NR6A1: variants seen among roughly 807,000 people sequenced by gnomAD.
NR6A1 encodes the protein nuclear receptor subfamily 6 group A member 1, also known as retinoic acid receptor-related testis-associated receptor.
A neutral mutation model predicts 59.1 loss-of-function variants in NR6A1; 7 were observed. The ratio of observed to expected loss-of-function variants is 0.12; its 90% CI spans 0.07 to 0.22. The LOEUF (loss-of-function observed/expected upper bound fraction) is 0.22, where lower values mean the gene tolerates loss of function less well. Ranked by LOEUF, NR6A1 falls within the 10% of genes least tolerant of loss-of-function variation. NR6A1 has a pLI of 1.00. For missense variants in NR6A1, 468 were observed against 611.6 expected (o/e 0.77, Z 2.48); for synonymous variants, 243 against 236.1 (o/e 1.03, Z -0.27).
intron 2 of NR6A1, chr9:124,598,683 G>T: frequency 8.6e-5 from 28 of 326,512 alleles, no homozygotes; most frequent in Non-Finnish European, 1.2e-4. Flanking sequence ...GGAAGGGAAA[G>T]AGAGGAAAAA....
intron 3 of NR6A1, among the ~76,000 whole-genome samples, chr9:124,547,124 T>C (rs913290400): frequency 2.6e-5 from 4 of 152,264 alleles, no homozygotes; most frequent in East Asian, 1.9e-4. Flanking sequence ...GTAACTCTTA[T>C]CTAAGTCTAA....
At chr9:124,613,566 T>C (rs2130847136) in intron 2 of NR6A1, among the ~76,000 whole-genome samples, 1 of 151,636 alleles carries the variant, frequency 6.6e-6, no homozygotes, top group South Asian at 2.1e-4. Context: ...GAGGCTGAGG[T>C]GGGAGGATCG....
At chr9:124,529,091 T>C (rs1404276837) in intron 7 of NR6A1, among the ~76,000 whole-genome samples, 8 of 152,202 alleles carry the variant, frequency 5.3e-5, no homozygotes, top group Admixed American at 2.6e-4. Context: ...TTTGAGCTAC[T>C]ATGGCTGACT....
At chr9:124,704,948 C>A (rs1287912369) in intron 2 of NR6A1, among the ~76,000 whole-genome samples, 1 of 152,192 alleles carries the variant, frequency 6.6e-6, no homozygotes, top group Admixed American at 6.5e-5. Context: ...GTTGCCCAGG[C>A]TGGTCTAGAA....
rs189540303 is a variant in NR6A1 at position 124,644,412 on chromosome 9, G to A, written c.142+88896C>T. 1.7e-4 allele frequency among the ~76,000 whole-genome samples: 25 copies of A among 150,780 alleles called. No individual in the cohort carries two copies. In the East Asian group the frequency reaches 3.7e-3, roughly 23 times the overall value. ...GATTACAGGCATGCGCCACTACCCCGGCTAACTTTTTGTATTTTTAGTAGA... is the reference window on the plus strand; with the variant it reads ...GATTACAGGCATGCGCCACTACCCCAGCTAACTTTTTGTATTTTTAGTAGA... On this transcript the variant is annotated intron_variant, in intron 2 of 9. Transcript: ENST00000487099.
At chr9:124,666,141 C>G (rs1837605952) in intron 2 of NR6A1, among the ~76,000 whole-genome samples, 1 of 151,808 alleles carries the variant, frequency 6.6e-6, no homozygotes, top group Non-Finnish European at 1.5e-5. Flanking sequence ...CACTGAATAT[C>G]AAAGTCAAGT....
At chr9:124,732,775 C>T (rs966423474) in intron 2 of NR6A1, among the ~76,000 whole-genome samples, 3 of 151,442 alleles carry the variant, frequency 2.0e-5, no homozygotes, top group Non-Finnish European at 2.9e-5. Flanking sequence ...TGGCTCACTG[C>T]AACCTCTACT....
At chr9:124,550,095 T>C (rs1170484568) in intron 3 of NR6A1, among the ~76,000 whole-genome samples, 1 of 152,210 alleles carries the variant, frequency 6.6e-6, no homozygotes. Context: ...TTGAGTGAAC[T>C]TACCTCTCTG....
intron 2 of NR6A1, among the ~76,000 whole-genome samples, chr9:124,650,669 G>C (rs886721179): frequency 2.6e-4 from 39 of 152,124 alleles, no homozygotes; most frequent in African/African-American, 8.9e-4. Context: ...ATTACACATT[G>C]TATGCATGTA....
intron 2 of NR6A1, among the ~76,000 whole-genome samples, chr9:124,575,489 G>A (rs1458388398): frequency 6.6e-6 from 1 of 152,050 alleles, no homozygotes; most frequent in Admixed American, 6.6e-5. Flanking sequence ...CAGGAGAATC[G>A]TTTGAACCCA....
chr9:124,691,422 G>A (rs533313677), intron 2 of NR6A1, among the ~76,000 whole-genome samples: 4 of 152,296 alleles, frequency 2.6e-5, no homozygotes, highest in African/African-American at 7.2e-5. Context: ...CCCATTTAGA[G>A]ATTAACTTCA....
At chr9:124,558,975 A>G (rs192779278) in intron 2 of NR6A1, among the ~76,000 whole-genome samples, 1 of 152,164 alleles carries the variant, frequency 6.6e-6, no homozygotes, top group Non-Finnish European at 1.5e-5. Context: ...GAAGTGTATA[A>G]GTGTATTTAT....
intron 2 of NR6A1, among the ~76,000 whole-genome samples, chr9:124,637,892 C>CAAAAAAA (rs796714741): frequency 1.3e-5 from 1 of 78,980 alleles, no homozygotes; most frequent in Non-Finnish European, 2.5e-5. Context: ...ACTCCCTCTC[C>CAAAAAAA]AAAAAAAAAA....
chr9:124,701,817 G>A (rs147704875), intron 2 of NR6A1, among the ~76,000 whole-genome samples: 63 of 152,034 alleles, frequency 4.1e-4, no homozygotes, highest in South Asian at 2.1e-3. Flanking sequence ...TCCACCTCCC[G>A]GGTTCATGCG....
At chr9:124,715,120 C>CCCAG (rs1678366735) in intron 2 of NR6A1, among the ~76,000 whole-genome samples, 1 of 151,576 alleles carries the variant, frequency 6.6e-6, no homozygotes, top group South Asian at 2.1e-4. Flanking sequence ...ATCGCTTGAA[C>CCCAG]CCAGGAGGCA....
chr9:124,654,632 A>G (rs1261144425), intron 2 of NR6A1, among the ~76,000 whole-genome samples: 1 of 152,122 alleles, frequency 6.6e-6, no homozygotes, highest in Non-Finnish European at 1.5e-5. Context: ...GGTTCCTCAG[A>G]GAGGCATAGC....
At chr9:124,598,913 G>A (rs1835362343) in intron 2 of NR6A1, 1 of 702,516 alleles carries the variant, frequency 1.4e-6, no homozygotes, top group African/African-American at 1.8e-5. Flanking sequence ...CAGCAGCTCT[G>A]GCTTGGGGCA....
At chr9:124,643,374 G>A (rs182936753) in intron 2 of NR6A1, among the ~76,000 whole-genome samples, 11 of 152,188 alleles carry the variant, frequency 7.2e-5, no homozygotes, top group Non-Finnish European at 7.4e-5. Flanking sequence ...GCTGAGGCGG[G>A]TGGATCACTT....
intron 2 of NR6A1, among the ~76,000 whole-genome samples, chr9:124,674,276 T>C (rs889483422): frequency 5.3e-5 from 8 of 152,156 alleles, no homozygotes; most frequent in Admixed American, 3.3e-4. Context: ...GGCACTCAAA[T>C]GGTAGATGTT....
Sources: allele counts gnomAD v4.1 joint callset (sites outside exome capture counted in the v4.1 genomes callset), GRCh38; gene constraint gnomAD v4.1.1; transcripts MANE v1.5; gene names NCBI Gene and HGNC (gene_info 2026-07-23, HGNC 2026-07-21).